PSG3: variants seen among roughly 807,000 people sequenced by gnomAD.
The protein encoded by PSG3 is pregnancy specific beta-1-glycoprotein 3.
A neutral mutation model predicts 47.5 loss-of-function variants in PSG3; 61 were observed. That is an observed-to-expected ratio of 1.28 (90% CI 1.05 to 1.59). The LOEUF (loss-of-function observed/expected upper bound fraction) is 1.59. PSG3 is among the 40% of genes most tolerant of loss of function. The pLI, the probability that PSG3 is intolerant of heterozygous loss-of-function variation, is 0.00. For synonymous variants in PSG3, 263 were observed against 198.4 expected (o/e 1.33, Z -2.74); for missense variants, 756 against 524.0 (o/e 1.44, Z -4.32).
At chr19:42,722,688 T>C (rs1203325515) in intron 6 of PSG3, among the ~76,000 whole-genome samples, 1 of 152,242 alleles carries the variant, frequency 6.6e-6, no homozygotes, top group Admixed American at 6.5e-5. Flanking sequence ...AGCTTCTGTT[T>C]GTTAACTGGA....
chr19:42,737,891 TCA>T (rs2122197798), intron 2 of PSG3, among the ~76,000 whole-genome samples: 2 of 152,336 alleles, frequency 1.3e-5, no homozygotes, highest in East Asian at 3.9e-4. Context: ...GTTAAATGAT[TCA>T]CAGTCACGTG....
At chr19:42,731,460 G>C (rs974574137) in intron 3 of PSG3, among the ~76,000 whole-genome samples, 1 of 151,906 alleles carries the variant, frequency 6.6e-6, no homozygotes, top group Non-Finnish European at 1.5e-5. Context: ...ATTAGTTTTC[G>C]GTGAATTCCA....
intron 5 of PSG3, among the ~76,000 whole-genome samples, chr19:42,725,178 A>G (rs1250668010): frequency 3.9e-5 from 6 of 152,124 alleles, no homozygotes; most frequent in African/African-American, 1.2e-4. Flanking sequence ...ATCTCGTTTT[A>G]TTGACTGCAT....
intron 5 of PSG3, among the ~76,000 whole-genome samples, chr19:42,724,848 A>T (rs1442603904): frequency 2.0e-5 from 3 of 151,258 alleles, no homozygotes; most frequent in Admixed American, 2.0e-4. Flanking sequence ...ACCATGTCCT[A>T]GTGTTTTATG....
At position 42,721,899 on chromosome 19, in the gene PSG3, T is replaced by A. The variant is rs1969305649; in HGVS notation, c.*232A>T. On this transcript the variant is annotated 3_prime_UTR_variant, in exon 7 of 7. Coordinates refer to ENST00000327495, the MANE Select transcript of PSG3 (RefSeq NM_021016.4). ...ATAAAATTGGGTTTTTTTCTTTGTCTTGAATTTCATGAAGTATCAGCCTGT... is the reference window on the plus strand; with the variant it reads ...ATAAAATTGGGTTTTTTTCTTTGTCATGAATTTCATGAAGTATCAGCCTGT... 1 of 415,250 alleles carries A rather than the reference T, an allele frequency of 2.4e-6. No individual in the cohort carries two copies. The highest frequency in any genetic ancestry group is 3.6e-5 in the East Asian group (1 of 27,936). The allele number at this position is 415,250 out of a possible 1,614,324, so 25.7% of individuals were successfully genotyped here. A position where few individuals can be genotyped will look rare whatever the true frequency, so the allele number is the denominator to read the frequency against.
intron 2 of PSG3, among the ~76,000 whole-genome samples, chr19:42,735,188 GTCAAA>G (rs1027227053): frequency 3.9e-5 from 6 of 152,078 alleles, no homozygotes; most frequent in African/African-American, 1.4e-4. Flanking sequence ...AATTGCTATT[GTCAAA>G]TCAAAATATT....
intron 1 of PSG3, chr19:42,739,350 C>A: frequency 1.8e-6 from 1 of 544,234 alleles, no homozygotes; most frequent in Non-Finnish European, 3.0e-6. Flanking sequence ...GAATCCTCTT[C>A]CCCAGGGGTC....
At chr19:42,723,052 A>G (rs1044973629) in intron 6 of PSG3, among the ~76,000 whole-genome samples, 3 of 152,190 alleles carry the variant, frequency 2.0e-5, no homozygotes, top group Non-Finnish European at 2.9e-5. Flanking sequence ...CTATTTTGGT[A>G]TCATGATTAT....
chr19:42,722,654 T>A (rs1969317354), intron 6 of PSG3, among the ~76,000 whole-genome samples: 1 of 152,192 alleles, frequency 6.6e-6, no homozygotes, highest in South Asian at 2.1e-4. Context: ...ATTTAACTTA[T>A]CAAATAAAGT....
In PSG3 at chr19:42,729,784, C is replaced by A. The variant is rs768158821; in HGVS notation, c.982G>T (p.Val328Phe). Reference protein sequence around the residue: ...GIRSYPVTLNVLYGPDLPRIY... With the variant: ...GIRSYPVTLNFLYGPDLPRIY... ...AGGAACAAAAGATACTCACAGAGGA[C>A]ATTCAGGGTGACTGGGTAACTGCGG... The change falls in exon 4 of 7, where the codon GTC (valine) becomes TTC (phenylalanine). Residue 328 changes from valine (V) to phenylalanine (F), a missense_variant. Val to Phe is a conservative substitution (Grantham distance 50, BLOSUM62 -1). Transcript: ENST00000327495. The A allele has an allele frequency of 5.6e-6, 9 of 1,613,686 alleles. No individual in the cohort carries two copies. The South Asian group carries it at 7.7e-5, about 14-fold the overall frequency.
chr19:42,739,582 T>C, intron 1 of PSG3: 1 of 166,448 alleles, frequency 6.0e-6, no homozygotes, highest in Non-Finnish European at 1.3e-5. Context: ...GACAGGGACT[T>C]TTGTGATCTT....
intron 2 of PSG3, among the ~76,000 whole-genome samples, chr19:42,737,884 A>G (rs1433830620): frequency 6.6e-6 from 1 of 152,228 alleles, no homozygotes; most frequent in Non-Finnish European, 1.5e-5. Context: ...AATAAATGTT[A>G]AATGATTCAC....
chr19:42,725,728 G>C (rs143885703), intron 5 of PSG3, among the ~76,000 whole-genome samples: 1 of 151,710 alleles, frequency 6.6e-6, no homozygotes, highest in Non-Finnish European at 1.5e-5. Flanking sequence ...GCTGCGCATG[G>C]TGACATGCAC....
chr19:42,739,195 GACACACACACACACATACAA>G, intron 1 of PSG3, 106 bp from the exon 2 acceptor site: 1 of 1,388,262 alleles, frequency 7.2e-7, no homozygotes. Flanking sequence ...GCTTTGAAGA[GACACACACACACACATACAA>G]ACACACACAC....
intron 3 of PSG3, among the ~76,000 whole-genome samples, chr19:42,730,982 A>G (rs913689516): frequency 5.9e-5 from 9 of 152,204 alleles, no homozygotes; most frequent in African/African-American, 1.2e-4. Context: ...GAAGTTTTGC[A>G]AATATTTTCT....
At chr19:42,728,311 G>C (rs1174551611) in intron 5 of PSG3, among the ~76,000 whole-genome samples, 1 of 152,040 alleles carries the variant, frequency 6.6e-6, no homozygotes, top group African/African-American at 2.4e-5. Context: ...CACACTTTTT[G>C]GCACTGCCCC....
chr19:42,734,742 T>C (rs747315459), intron 2 of PSG3, among the ~76,000 whole-genome samples: 7 of 152,206 alleles, frequency 4.6e-5, no homozygotes, highest in Non-Finnish European at 7.3e-5. Context: ...AGGACAGAAC[T>C]GGTTAGTGTG....
chr19:42,729,631 C>A, intron 4 of PSG3, 147 bp downstream of exon 4: 1 of 1,516,788 alleles, frequency 6.6e-7, no homozygotes, highest in Non-Finnish European at 8.8e-7. Flanking sequence ...CTACCCAGAT[C>A]TTCCCAGGGC....
intron 2 of PSG3, among the ~76,000 whole-genome samples, chr19:42,735,524 G>T (rs113152088): frequency 6.6e-6 from 1 of 151,948 alleles, no homozygotes; most frequent in East Asian, 1.9e-4. Context: ...CTGCCACCAC[G>T]TCCAGCTAAT....
Sources: gnomAD v4.1 joint callset for allele counts (sites outside exome capture counted in the v4.1 genomes callset) on GRCh38, gnomAD v4.1.1 for gene constraint, MANE v1.5 for transcripts, NCBI Gene and HGNC (gene_info 2026-07-23, HGNC 2026-07-21) for gene names.